Variants in CNTN4 observed in about 807,000 individuals in gnomAD.
The protein encoded by CNTN4 is contactin 4.
In CNTN4, 77 loss-of-function variants were observed where a neutral mutation model predicts 122.5. The observed-to-expected ratio is 0.63, with a 90% CI of 0.52 to 0.76. CNTN4 has a LOEUF of 0.76. Among genes scored for constraint, CNTN4 ranks in the 30% least tolerant of loss-of-function variants. The pLI, the probability that CNTN4 is intolerant of heterozygous loss-of-function variation, is 0.00. For synonymous variants in CNTN4, 512 were observed against 447.0 expected (o/e 1.15, Z -1.83); for missense variants, 1,256 against 1,259.1 (o/e 1.00, Z 0.04).
intron 2 of CNTN4, among the ~76,000 whole-genome samples, chr3:2,311,706 A>G (rs1368314032): frequency 6.6e-6 from 1 of 152,118 alleles, no homozygotes; most frequent in Non-Finnish European, 1.5e-5. Flanking sequence ...CTGTCTGTAT[A>G]GGTAGCTCAT....
At chr3:2,597,862 C>G (rs2080845358) in intron 4 of CNTN4, among the ~76,000 whole-genome samples, 1 of 152,138 alleles carries the variant, frequency 6.6e-6, no homozygotes, top group African/African-American at 2.4e-5. Flanking sequence ...GAGAGTACTT[C>G]TAAAAGTAAA....
At chr3:2,823,585 T>C (rs2092923379) in intron 7 of CNTN4, among the ~76,000 whole-genome samples, 1 of 152,198 alleles carries the variant, frequency 6.6e-6, no homozygotes, top group Admixed American at 6.5e-5. Context: ...CTATCCTTGG[T>C]GCTCCTTCCT....
chr3:2,989,524 AT>A (rs1462771860), intron 14 of CNTN4, among the ~76,000 whole-genome samples: 3 of 152,356 alleles, frequency 2.0e-5, no homozygotes, highest in Non-Finnish European at 4.4e-5. Context: ...AAATTACCTA[AT>A]TAAATATTTT....
chr3:2,474,844 T>G (rs552951410), intron 3 of CNTN4, among the ~76,000 whole-genome samples: 1 of 152,360 alleles, frequency 6.6e-6, no homozygotes, highest in South Asian at 2.1e-4. Context: ...AATATTTCAT[T>G]GTAGGTATCC....
intron 4 of CNTN4, among the ~76,000 whole-genome samples, chr3:2,716,402 A>T (rs948679529): frequency 1.3e-5 from 2 of 151,800 alleles, no homozygotes; most frequent in South Asian, 4.1e-4. Flanking sequence ...GAGATACTCT[A>T]TGTAAAGCAC....
intron 3 of CNTN4, among the ~76,000 whole-genome samples, chr3:2,539,322 A>G (rs993076869): frequency 6.6e-6 from 1 of 152,034 alleles, no homozygotes; most frequent in Non-Finnish European, 1.5e-5. Context: ...TATCAGGTGA[A>G]TGCTTTCGCT....
At chr3:2,278,644 C>A (rs1335297024) in intron 2 of CNTN4, among the ~76,000 whole-genome samples, 1 of 152,298 alleles carries the variant, frequency 6.6e-6, no homozygotes, top group African/African-American at 2.4e-5. Context: ...ACTATTACAG[C>A]ATAGTCATTA....
At chr3:2,324,581 G>C (rs1188995159) in intron 2 of CNTN4, among the ~76,000 whole-genome samples, 1 of 152,042 alleles carries the variant, frequency 6.6e-6, no homozygotes, top group African/African-American at 2.4e-5. Context: ...GCTAGCTTCT[G>C]TTTCTCTTTG....
intron 6 of CNTN4, among the ~76,000 whole-genome samples, chr3:2,776,553 C>T (rs891082121): frequency 3.9e-5 from 6 of 152,114 alleles, no homozygotes; most frequent in Non-Finnish European, 5.9e-5. Context: ...AATAGATAGA[C>T]TATCCATTTT....
intron 3 of CNTN4, among the ~76,000 whole-genome samples, chr3:2,382,191 A>C (rs2046052033): frequency 6.9e-6 from 1 of 144,404 alleles, no homozygotes; most frequent in Non-Finnish European, 1.5e-5. Context: ...TTTTTTTGAG[A>C]TGGAGTCTTG....
At chr3:2,578,520 A>G (rs2079796465) in intron 4 of CNTN4, among the ~76,000 whole-genome samples, 1 of 152,220 alleles carries the variant, frequency 6.6e-6, no homozygotes, top group South Asian at 2.1e-4. Context: ...TTCCCCCAGA[A>G]TAAACAGAGA....
At chr3:2,558,666 G>A (rs953835079) in intron 3 of CNTN4, among the ~76,000 whole-genome samples, 4 of 152,048 alleles carry the variant, frequency 2.6e-5, no homozygotes, top group Admixed American at 2.0e-4. Context: ...TCCCACATTA[G>A]CTTTAGACAA....
chr3:2,594,352 G>C (rs1576144369), intron 4 of CNTN4, among the ~76,000 whole-genome samples: 4 of 150,982 alleles, frequency 2.6e-5, no homozygotes, highest in Admixed American at 2.6e-4. Flanking sequence ...TTAGTAAATA[G>C]ATAATTTGGT....
chr3:2,642,574 G>A (rs1286115305), intron 4 of CNTN4, among the ~76,000 whole-genome samples: 1 of 152,014 alleles, frequency 6.6e-6, no homozygotes, highest in African/African-American at 2.4e-5. Flanking sequence ...TTATATGTGT[G>A]TACACATATA....
chr3:2,230,281 T>C (rs538086233), intron 2 of CNTN4, among the ~76,000 whole-genome samples: 4 of 152,178 alleles, frequency 2.6e-5, no homozygotes, highest in Admixed American at 1.3e-4. Flanking sequence ...CCACCTCAAG[T>C]GCCATAGTGT....
intron 4 of CNTN4, among the ~76,000 whole-genome samples, chr3:2,649,542 AC>A (rs2083273987): frequency 6.6e-6 from 1 of 152,152 alleles, no homozygotes; most frequent in African/African-American, 2.4e-5. Flanking sequence ...CACTGTTGAG[AC>A]CTACTGCTCA....
intron 4 of CNTN4, among the ~76,000 whole-genome samples, chr3:2,686,624 A>T (rs1244385428): frequency 6.6e-6 from 1 of 152,034 alleles, no homozygotes; most frequent in Non-Finnish European, 1.5e-5. Context: ...CATATTCATC[A>T]CCTCTACATG....
intron 6 of CNTN4, among the ~76,000 whole-genome samples, chr3:2,806,967 T>C (rs2092481938): frequency 6.6e-6 from 1 of 152,220 alleles, no homozygotes; most frequent in Non-Finnish European, 1.5e-5. Context: ...TTTTCTGTAG[T>C]GGGCATCAAC....
At position 2,385,983 on chromosome 3, in the gene CNTN4, G is replaced by C. The variant is rs2046242487; in HGVS notation, c.-89+46750G>C. On this transcript the variant is annotated intron_variant, in intron 3 of 24. Transcript: ENST00000418658. The surrounding 1 kb of genome is among the most constrained non-coding windows in gnomAD (Gnocchi z 4.0). ...TCCTTCTTTTTATGTTCAGAAGAGA[G>C]GTTATCACCCCACCTTCATTTTATA... 6.6e-6 allele frequency among the ~76,000 whole-genome samples: 1 copy of C among 151,966 alleles called. No individual in the cohort carries two copies. The highest frequency in any genetic ancestry group is 2.4e-5 in the African/African-American group (1 of 41,376).
Sources: allele counts gnomAD v4.1 joint callset (sites outside exome capture counted in the v4.1 genomes callset), GRCh38; gene constraint gnomAD v4.1.1; non-coding constraint Gnocchi (gnomAD v3.1); transcripts MANE v1.5; gene names NCBI Gene and HGNC (gene_info 2026-07-23, HGNC 2026-07-21).